Variants in ZDHHC18 observed in about 807,000 individuals in gnomAD.
ZDHHC18 encodes zDHHC palmitoyltransferase 18, also known as palmitoyltransferase ZDHHC18.
Under a neutral mutation model 37.5 loss-of-function variants are expected in ZDHHC18, and 23 were observed. The ratio of observed to expected loss-of-function variants is 0.61; its 90% CI spans 0.44 to 0.87. The LOEUF (loss-of-function observed/expected upper bound fraction) is 0.87. Among genes scored for constraint, ZDHHC18 ranks in the 40% least tolerant of loss-of-function variants. The pLI is 0.00. For synonymous variants in ZDHHC18, 185 were observed against 218.7 expected (o/e 0.85, Z 1.36); for missense variants, 406 against 525.6 (o/e 0.77, Z 2.22).
chr1:26,833,219 T>C (rs2081595964), intron 2 of ZDHHC18, among the ~76,000 whole-genome samples: 3 of 152,106 alleles, frequency 2.0e-5, no homozygotes, highest in Admixed American at 2.0e-4. Flanking sequence ...TAATTAAATA[T>C]CTAGGATATC....
At chr1:26,841,058 C>A (rs2081636481) in intron 2 of ZDHHC18, among the ~76,000 whole-genome samples, 1 of 152,064 alleles carries the variant, frequency 6.6e-6, no homozygotes, top group Admixed American at 6.6e-5. Context: ...CTCACTGCAA[C>A]CTCTGCCTCC....
At chr1:26,851,279 A>T (rs1234891455) in intron 6 of ZDHHC18, 48 bp downstream of exon 6, 1 of 1,575,554 alleles carries the variant, frequency 6.3e-7, no homozygotes, top group Non-Finnish European at 8.7e-7. Flanking sequence ...CGCCCTCAGG[A>T]GGAGGCAGGG....
At chr1:26,827,979 G>A (rs76133297) in intron 1 of ZDHHC18, among the ~76,000 whole-genome samples, 17,861 of 152,096 alleles carry the variant, frequency 0.12, 1,296 homozygotes, top group Non-Finnish European at 0.17. Context: ...CAACAGCTGC[G>A]GTGCCTTGTT....
intron 3 of ZDHHC18, among the ~76,000 whole-genome samples, chr1:26,849,746 G>T (rs879355225): frequency 6.6e-6 from 1 of 152,240 alleles, no homozygotes; most frequent in African/African-American, 2.4e-5. Context: ...TCCCTGGGCC[G>T]CTAGTCCTAG....
chr1:26,851,602 G>C (rs980865855), intron 6 of ZDHHC18, among the ~76,000 whole-genome samples: 9 of 152,238 alleles, frequency 5.9e-5, no homozygotes, highest in African/African-American at 2.2e-4. Context: ...GAGGCAGAAA[G>C]GACAGGGATG....
At chr1:26,836,140 C>A (rs555645746) in intron 2 of ZDHHC18, among the ~76,000 whole-genome samples, 37 of 152,294 alleles carry the variant, frequency 2.4e-4, no homozygotes, top group African/African-American at 8.4e-4. Flanking sequence ...CCCAGAAGCT[C>A]CTGGTCTGAT....
At chr1:26,836,254 C>T (rs562661570) in intron 2 of ZDHHC18, among the ~76,000 whole-genome samples, 1 of 152,326 alleles carries the variant, frequency 6.6e-6, no homozygotes, top group South Asian at 2.1e-4. Flanking sequence ...CACTGCCATA[C>T]ACCAGCTCCC....
intron 6 of ZDHHC18, 146 bp from the exon 7 acceptor site, chr1:26,852,607 A>G (rs2081711024): frequency 1.5e-6 from 1 of 651,280 alleles, no homozygotes; most frequent in Non-Finnish European, 2.7e-6. Context: ...CCACATTCTC[A>G]TTGAATGGCC....
At chr1:26,838,667 A>G (rs1314855496) in intron 2 of ZDHHC18, among the ~76,000 whole-genome samples, 1 of 152,248 alleles carries the variant, frequency 6.6e-6, no homozygotes, top group African/African-American at 2.4e-5. Context: ...TCAGCTTCTT[A>G]AGTTTACAGG....
chr1:26,850,188 G>A lies in ZDHHC18; in HGVS notation c.647-113G>A, dbSNP rs1383989307. 9.5e-6 allele frequency: 13 copies of A among 1,371,868 alleles called. No individual in the cohort carries two copies. Among genetic ancestry groups the A allele is most frequent in the Non-Finnish European group, 1.3e-5 (13 of 1,005,888 alleles). The allele number at this position is 1,371,868 out of a possible 1,614,324, so 85.0% of individuals were successfully genotyped here. On this transcript the variant is annotated intron_variant, in intron 3 of 7. Transcript: ENST00000374142. The surrounding 1 kb of genome is among the most constrained non-coding windows in gnomAD (Gnocchi z 6.1). ...GTGTCCAAGGCCTGGGAGCCAGCTG[G>A]TGCTGCGAGAGTGAACGGGGTAGGA...
chr1:26,850,225 A>G lies in ZDHHC18; in HGVS notation c.647-76A>G. 6.4e-7 allele frequency: 1 copy of G among 1,557,792 alleles called. No homozygotes were observed. The highest frequency in any genetic ancestry group is 8.7e-7 in the Non-Finnish European group (1 of 1,148,848). ...TGAACGGGGTAGGAAAGCCCCAGCC[A>G]TGGGTGAGGCCGCCAAATGCCTGTG... is the stretch of plus-strand genomic sequence containing the variant. On this transcript the variant is annotated intron_variant, in intron 3 of 7. Coordinates refer to ENST00000374142, the MANE Select transcript of ZDHHC18 (RefSeq NM_032283.3). The surrounding 1 kb of genome is among the most constrained non-coding windows in gnomAD (Gnocchi z 6.1).
rs181144806 is a variant in ZDHHC18, at chr1:26,834,418, C to T, written c.496+1811C>T. ...GCAGAGACAGAGTGTGTGCCTTTCACTCCCAAACCCCTTGCTTTCTCTTCT... is the reference window on the plus strand; with the variant it reads ...GCAGAGACAGAGTGTGTGCCTTTCATTCCCAAACCCCTTGCTTTCTCTTCT... On this transcript the variant is annotated intron_variant, in intron 2 of 7. Transcript: ENST00000374142. 5.9e-5 allele frequency among the ~76,000 whole-genome samples: 9 copies of T among 152,332 alleles called. No individual in the cohort carries two copies. The East Asian group carries it at 1.5e-3, about 26-fold the overall frequency.
At chr1:26,852,945 C>A in intron 7 of ZDHHC18, 80 bp downstream of exon 7, 1 of 1,313,524 alleles carries the variant, frequency 7.6e-7, no homozygotes, top group Non-Finnish European at 1.1e-6. Flanking sequence ...ATCAGCCGAC[C>A]TCCCCCTACA....
At chr1:26,848,541 C>T (rs1487017991) in intron 2 of ZDHHC18, 67 bp from the exon 3 acceptor site, 2 of 1,569,086 alleles carry the variant, frequency 1.3e-6, no homozygotes, top group African/African-American at 1.3e-5. Flanking sequence ...AGTAGCTTTC[C>T]CCTGCTGGGG....
At chr1:26,835,884 A>G (rs1432719911) in intron 2 of ZDHHC18, among the ~76,000 whole-genome samples, 1 of 152,086 alleles carries the variant, frequency 6.6e-6, no homozygotes, top group Non-Finnish European at 1.5e-5. Flanking sequence ...ACCCCAGCCC[A>G]GCAACTCCAG....
intron 2 of ZDHHC18, among the ~76,000 whole-genome samples, chr1:26,844,269 C>T (rs2081652720): frequency 6.6e-6 from 1 of 152,120 alleles, no homozygotes; most frequent in Admixed American, 6.5e-5. Context: ...GAACTCCTGA[C>T]CTCAAGTGAT....
intron 2 of ZDHHC18, among the ~76,000 whole-genome samples, chr1:26,837,892 G>A (rs1165332812): frequency 6.6e-6 from 1 of 152,128 alleles, no homozygotes; most frequent in Non-Finnish European, 1.5e-5. Context: ...CTGTGCACTG[G>A]ATGCCTCAGT....
chr1:26,833,452 G>A (rs1302639454), intron 2 of ZDHHC18, among the ~76,000 whole-genome samples: 1 of 152,140 alleles, frequency 6.6e-6, no homozygotes, highest in Non-Finnish European at 1.5e-5. Flanking sequence ...CCTCTAGGAG[G>A]AGGCGGCACT....
At chr1:26,829,373 T>C (rs1020708175) in intron 1 of ZDHHC18, among the ~76,000 whole-genome samples, 3 of 152,046 alleles carry the variant, frequency 2.0e-5, no homozygotes, top group African/African-American at 4.8e-5. Flanking sequence ...CTGGCCTCTG[T>C]CCCCTGCTGT....
Sources: allele counts gnomAD v4.1 joint callset (sites outside exome capture counted in the v4.1 genomes callset), GRCh38; gene constraint gnomAD v4.1.1; non-coding constraint Gnocchi (gnomAD v3.1); transcripts MANE v1.5; gene names NCBI Gene and HGNC (gene_info 2026-07-23, HGNC 2026-07-21).